VPS13D: variants seen among roughly 807,000 people sequenced by gnomAD.
VPS13D encodes the protein vacuolar protein sorting 13 homolog D.
VPS13D carries 187 observed loss-of-function variants against 461.9 expected under a neutral mutation model. That is an observed-to-expected ratio of 0.40 (90% confidence interval 0.36 to 0.46). The LOEUF is 0.46. VPS13D is among the 20% of genes least tolerant of loss of function. The pLI is 0.60. For missense variants in VPS13D, 4,711 were observed against 5,364.9 expected (o/e 0.88, Z 3.81); for synonymous variants, 1,951 against 1,986.3 (o/e 0.98, Z 0.47).
At chr1:12,233,217 G>T (rs560081576) in intron 1 of VPS13D, among the ~76,000 whole-genome samples, 1 of 152,180 alleles carries the variant, frequency 6.6e-6, no homozygotes, top group Middle Eastern at 3.4e-3. Context: ...TGTTGGCCAG[G>T]CTGGGTTTGG....
chr1:12,313,372 A>G (rs1340618935), intron 29 of VPS13D, among the ~76,000 whole-genome samples: 2 of 131,022 alleles, frequency 1.5e-5, no homozygotes, highest in Admixed American at 9.6e-5. Context: ...CAGTGGTGCC[A>G]TCTCGGCTCA....
At chr1:12,417,371 T>C (rs543302597) in intron 65 of VPS13D, among the ~76,000 whole-genome samples, 1 of 152,338 alleles carries the variant, frequency 6.6e-6, no homozygotes. Context: ...TTTTCTTAGT[T>C]CACTCTGTAT....
intron 46 of VPS13D, among the ~76,000 whole-genome samples, chr1:12,349,660 T>C (rs1264590805): frequency 1.3e-5 from 2 of 152,134 alleles, no homozygotes; most frequent in East Asian, 1.9e-4. Flanking sequence ...AGAGGACATA[T>C]AGAGACGGGA....
rs143306644 is a variant in VPS13D at position 12,262,007 on chromosome 1, A to T, written c.1521A>T (p.Thr507=). Residue 507 remains threonine (T), a synonymous_variant, in exon 13 of 70, where the codon ACA becomes ACT. Coordinates refer to ENST00000620676, the MANE Select transcript of VPS13D (RefSeq NM_015378.4). ...TGAATTTGCAGTTGCAGCGAGGTAC[A>T]GTGACTCTGTTACACAAGGAGCAAG... is the stretch of plus-strand genomic sequence containing the variant. The part of the protein sequence containing the change: ...AKLNLQLQRG[T]VTLLHKEQGT... The T allele has an allele frequency of 3.8e-5, 62 of 1,614,202 alleles. No homozygotes were observed. In the African/African-American group the frequency reaches 7.9e-4, roughly 20 times the overall value.
rs761738657 is a variant in VPS13D at position 12,308,479 on chromosome 1, T to C, written c.6488T>C (p.Met2163Thr). 20 of 1,614,068 alleles carry C rather than the reference T, an allele frequency of 1.2e-5. No homozygotes were observed. Among genetic ancestry groups the C allele is most frequent in the Non-Finnish European group, 1.4e-5 (17 of 1,180,000 alleles). ...LDCVVVDLQD[M>T]DIFAAERHPR... ...TGCGTTGTCGTGGATCTCCAGGACA[T>C]GGACATCTTTGCTGCAGAGAGACAT... Residue 2163 changes from methionine to threonine, a missense_variant, in exon 27 of 70, where the codon ATG becomes ACG. Around this residue, in one of 3 missense-constraint regions of VPS13D, gnomAD observed 4,411 missense variants for 4,937.8 expected, o/e 0.89. Transcript: ENST00000620676.
At chr1:12,470,517 T>C (rs997286131) in intron 67 of VPS13D, among the ~76,000 whole-genome samples, 2 of 152,254 alleles carry the variant, frequency 1.3e-5, no homozygotes, top group Non-Finnish European at 2.9e-5. Flanking sequence ...AATTCTGACC[T>C]TGGGATATTC....
intron 42 of VPS13D, 88 bp from the exon 43 acceptor site, chr1:12,345,286 G>A (rs2101582644): frequency 1.4e-6 from 2 of 1,476,188 alleles, no homozygotes; most frequent in Non-Finnish European, 1.8e-6. Context: ...TACATCATAT[G>A]TACTAAATCA....
At chr1:12,238,267 A>G (rs1640228534) in intron 2 of VPS13D, among the ~76,000 whole-genome samples, 1 of 142,002 alleles carries the variant, frequency 7.0e-6, no homozygotes, top group African/African-American at 2.6e-5. Context: ...TAATCCCCCA[A>G]AATACATACA....
chr1:12,301,653 A>G (rs1412200967), intron 25 of VPS13D, among the ~76,000 whole-genome samples: 1 of 152,174 alleles, frequency 6.6e-6, no homozygotes, highest in Non-Finnish European at 1.5e-5. Flanking sequence ...AATTAATTAA[A>G]TCATTGGCCA....
intron 30 of VPS13D, among the ~76,000 whole-genome samples, chr1:12,317,700 G>A (rs143557600): frequency 3.3e-5 from 5 of 151,866 alleles, no homozygotes; most frequent in Non-Finnish European, 7.4e-5. Flanking sequence ...AGCTGTGATC[G>A]TGCCACTGCA....
In VPS13D at chr1:12,276,319, A is replaced by G. The variant is rs1557680027; in HGVS notation, c.2731A>G (p.Thr911Ala). The change falls in exon 19 of 70, where the codon ACT becomes GCT. Residue 911 changes from threonine to alanine, a missense_variant. Thr to Ala is a moderately conservative substitution (Grantham distance 58). Around this residue, in one of 3 missense-constraint regions of VPS13D, gnomAD observed 4,411 missense variants for 4,937.8 expected, o/e 0.89. Coordinates refer to ENST00000620676, the MANE Select transcript of VPS13D (RefSeq NM_015378.4). The surrounding 1 kb of genome is among the most constrained non-coding windows in gnomAD (Gnocchi z 4.5). ...LTTPEMKTSD[T>A]QIKEKIFPQE... Reference sequence around the variant, plus strand: ...CACCCCAGAAATGAAAACTTCTGACACTCAGATTAAAGAAAAGATTTTTCC... The same window carrying G: ...CACCCCAGAAATGAAAACTTCTGACGCTCAGATTAAAGAAAAGATTTTTCC... 1 of 1,614,136 alleles carries G rather than the reference A, an allele frequency of 6.2e-7. No individual in the cohort carries two copies. Among genetic ancestry groups the G allele is most frequent in the Non-Finnish European group, 8.5e-7 (1 of 1,180,024 alleles).
At chr1:12,374,859 TC>T (rs1644177088) in intron 55 of VPS13D, among the ~76,000 whole-genome samples, 3 of 152,174 alleles carry the variant, frequency 2.0e-5, no homozygotes, top group South Asian at 4.1e-4. Context: ...TGCCTCAGCC[TC>T]CCGAGTAGCT....
chr1:12,404,542 T>C (rs1644624888), intron 63 of VPS13D, among the ~76,000 whole-genome samples: 2 of 152,240 alleles, frequency 1.3e-5, no homozygotes. Flanking sequence ...TCTTGATGAC[T>C]ACTTACTAGA....
intron 31 of VPS13D, among the ~76,000 whole-genome samples, chr1:12,318,649 T>A (rs1383314176): frequency 6.6e-6 from 1 of 152,156 alleles, no homozygotes; most frequent in Non-Finnish European, 1.5e-5. Flanking sequence ...TGCCGTTTGA[T>A]CTTTAGGGCC....
chr1:12,419,117 C>T (rs1270286195), intron 65 of VPS13D, among the ~76,000 whole-genome samples: 1 of 152,190 alleles, frequency 6.6e-6, no homozygotes, highest in Non-Finnish European at 1.5e-5. Flanking sequence ...GGGCAGTGTC[C>T]TCCCTACCCC....
intron 60 of VPS13D, among the ~76,000 whole-genome samples, chr1:12,396,355 A>G (rs377014590): frequency 3.3e-5 from 5 of 152,044 alleles, no homozygotes; most frequent in African/African-American, 1.2e-4. Flanking sequence ...TCTTGAGTAA[A>G]TGCTCCTTAG....
At chr1:12,387,683 A>G (rs1250247430) in intron 60 of VPS13D, among the ~76,000 whole-genome samples, 3 of 152,238 alleles carry the variant, frequency 2.0e-5, no homozygotes, top group Non-Finnish European at 4.4e-5. Flanking sequence ...TGGAAGACAT[A>G]AAAAAACTAA....
chr1:12,454,635 A>G (rs1026854655), intron 65 of VPS13D, among the ~76,000 whole-genome samples: 1 of 152,208 alleles, frequency 6.6e-6, no homozygotes, highest in African/African-American at 2.4e-5. Context: ...TCACTGTCAC[A>G]TGTGTCAAGA....
intron 17 of VPS13D, 58 bp from the exon 18 acceptor site, chr1:12,272,945 C>T (rs1282507695): frequency 2.5e-6 from 4 of 1,584,028 alleles, no homozygotes; most frequent in Non-Finnish European, 3.4e-6. Flanking sequence ...GCTTGAGCAC[C>T]ATGGATAAAG....
Sources: gnomAD v4.1 joint callset for allele counts (sites outside exome capture counted in the v4.1 genomes callset) on GRCh38, gnomAD v4.1.1 for gene constraint, gnomAD v4.1.1 regional missense constraint, Gnocchi (gnomAD v3.1) non-coding constraint, MANE v1.5 for transcripts, NCBI Gene and HGNC (gene_info 2026-07-23, HGNC 2026-07-21) for gene names.